Variants in RHCG observed in about 807,000 individuals in gnomAD.
The protein encoded by RHCG is ammonium transporter Rh type C.
A neutral mutation model predicts 55.3 loss-of-function variants in RHCG; 39 were observed. The ratio of observed to expected loss-of-function variants is 0.70; its 90% CI spans 0.55 to 0.92. The LOEUF (loss-of-function observed/expected upper bound fraction) is 0.92. Ranked by LOEUF, RHCG falls within the 40% of genes least tolerant of loss-of-function variation. The pLI is 0.00. For synonymous variants in RHCG, 250 were observed against 246.8 expected, an observed-to-expected ratio of 1.01 and a Z score of -0.12; for missense variants, 635 against 627.9, an observed-to-expected ratio of 1.01 and a Z score of -0.12.
Position 89,483,144 on chromosome 15 carries a change from T to C in RHCG, c.445A>G (p.Ile149Val). Residue 149 changes from isoleucine (I) to valine (V), a missense_variant, in exon 3 of 11, where the codon ATT becomes GTT. Transcript: ENST00000268122. ...FGAVLGKVSPIQLLIMTFFQV... is the reference protein window; with the variant it reads ...FGAVLGKVSPVQLLIMTFFQV... ...AAGAAAGTCATGATGAGCAGCTGAA[T>C]GGGGCTGACTTTACCCAGAACTGCC... 1 of 1,607,792 alleles carries C rather than the reference T, an allele frequency of 6.2e-7. No individual in the cohort carries two copies. Among genetic ancestry groups the C allele is most frequent in the Non-Finnish European group, 8.5e-7 (1 of 1,174,866 alleles).
chr15:89,490,123 A>G (rs1961446098), intron 1 of RHCG, among the ~76,000 whole-genome samples: 1 of 152,202 alleles, frequency 6.6e-6, no homozygotes, highest in African/African-American at 2.4e-5. Context: ...GCCCCCCTCC[A>G]GTCCGCCTCC....
intron 9 of RHCG, among the ~76,000 whole-genome samples, chr15:89,475,979 G>C (rs1397570966): frequency 2.6e-5 from 4 of 151,546 alleles, no homozygotes; most frequent in Non-Finnish European, 5.9e-5. Context: ...AGGAACTTAA[G>C]ACTTTGCATT....
rs773890648 is a variant in RHCG, at chr15:89,476,782, G to T, written c.1284C>A (p.Asn428Lys). The change falls in exon 9 of 11, where the codon AAC becomes AAA. Residue 428 changes from asparagine (N) to lysine (K), a missense_variant. Coordinates refer to ENST00000268122, the MANE Select transcript of RHCG (RefSeq NM_016321.3). ...LPFWGQPSDE[N>K]CFEDAVYWEM... ...CCCAGTAGACCGCATCCTCAAAGCA[G>T]TTCTCATCTGAAGGTTGTCCCCAGA... 1.4e-5 allele frequency: 22 copies of T among 1,614,026 alleles called. No homozygotes were observed. Among genetic ancestry groups the T allele is most frequent in the Non-Finnish European group, 1.7e-5 (20 of 1,180,010 alleles).
chr15:89,483,227 G>C lies in RHCG; in HGVS notation c.372-10C>G. 1 of 1,542,036 alleles carries C rather than the reference G, an allele frequency of 6.5e-7. No individual in the cohort carries two copies. The highest frequency in any genetic ancestry group is 8.9e-7 in the Non-Finnish European group (1 of 1,128,472). ...GTCAGCGTTGATGAGGCTGTGGGGA[G>C]ACAGGCCAGTGGAGAAGCTGGGGCA... On this transcript the variant is annotated splice_polypyrimidine_tract_variant and intron_variant, in intron 2 of 10. Coordinates refer to ENST00000268122, the MANE Select transcript of RHCG (RefSeq NM_016321.3).
At chr15:89,486,361 G>A (rs1232606189) in intron 2 of RHCG, 2 of 456,530 alleles carry the variant, frequency 4.4e-6, no homozygotes, top group African/African-American at 4.0e-5. Context: ...CCAGAGTCCC[G>A]TGGGCTGCGG....
chr15:89,473,910 G>C (rs1172431815), intron 9 of RHCG, among the ~76,000 whole-genome samples: 1 of 152,172 alleles, frequency 6.6e-6, no homozygotes, highest in Non-Finnish European at 1.5e-5. Context: ...CTTCTACATG[G>C]GGGAACTGAT....
At chr15:89,493,216 C>A (rs1324260833) in intron 1 of RHCG, among the ~76,000 whole-genome samples, 4 of 152,230 alleles carry the variant, frequency 2.6e-5, no homozygotes, top group African/African-American at 9.6e-5. Context: ...CTCCCTTGGT[C>A]TTCCAGGGAG....
chr15:89,480,271 A>G lies in RHCG; in HGVS notation c.660T>C (p.Phe220=), dbSNP rs1465008765. Reference sequence around the variant, plus strand: ...GATGGCAGTTCTCACCAATCATGGCAAAGAGGTCCGACTGGTACACAGAAT... The same window carrying G: ...GATGGCAGTTCTCACCAATCATGGCGAAGAGGTCCGACTGGTACACAGAAT... ...RQNSVYQSDL[F]AMIGTLFLWM... The change falls in exon 4 of 11, where the codon TTT becomes TTC. Residue 220 remains phenylalanine (F), a synonymous_variant. Transcript: ENST00000268122. The G allele has an allele frequency of 6.2e-7, 1 of 1,614,058 alleles. No individual in the cohort carries two copies. Among genetic ancestry groups the G allele is most frequent in the Non-Finnish European group, 8.5e-7 (1 of 1,179,960 alleles).
rs1596404032 is a variant in RHCG, at chr15:89,480,206, A to G, written c.670+55T>C. 3.1e-6 allele frequency: 5 copies of G among 1,610,444 alleles called. 1 individual carries two copies. In the East Asian group the frequency reaches 1.1e-4, roughly 36 times the overall value. ...TCACCCATCATGGCTGCCTTCACCCATCATGGCCACCTTCACCCATCATGG... is the reference window on the plus strand; with the variant it reads ...TCACCCATCATGGCTGCCTTCACCCGTCATGGCCACCTTCACCCATCATGG... On this transcript the variant is annotated intron_variant, in intron 4 of 10. Transcript: ENST00000268122.
chr15:89,486,515 C>T, intron 2 of RHCG: 1 of 508,988 alleles, frequency 2.0e-6, no homozygotes, highest in Non-Finnish European at 3.8e-6. Context: ...GGACGACTCC[C>T]ACCCTGGAGA....
At chr15:89,473,834 G>A (rs897222864) in intron 9 of RHCG, among the ~76,000 whole-genome samples, 1 of 152,188 alleles carries the variant, frequency 6.6e-6, no homozygotes, top group Non-Finnish European at 1.5e-5. Flanking sequence ...ACTGCTCAAG[G>A]TATATAGAGC....
chr15:89,477,125 G>A lies in RHCG; in HGVS notation c.1194C>T (p.Leu398=). 2 of 1,614,090 alleles carry A rather than the reference G, an allele frequency of 1.2e-6. No individual in the cohort carries two copies. The highest frequency in any genetic ancestry group is 1.7e-6 in the Non-Finnish European group (2 of 1,180,024). ...TCAGGGCCATGGCCAGGGTCACCAA[G>A]AGACCATAAATCTGGAACTTTCCCT... The part of the protein sequence containing the change: ...RTQGKFQIYG[L]LVTLAMALMG... The change falls in exon 8 of 11, where the codon CTC becomes CTT. Residue 398 remains leucine, a synonymous_variant. Coordinates refer to ENST00000268122, the MANE Select transcript of RHCG (RefSeq NM_016321.3). This position sits in a 1 kb window ranked among gnomAD's most constrained non-coding sequence, Gnocchi z 4.5.
At chr15:89,495,500 C>G (rs1244580356) in intron 1 of RHCG, among the ~76,000 whole-genome samples, 1 of 152,202 alleles carries the variant, frequency 6.6e-6, no homozygotes. Context: ...CAAGGGCATT[C>G]TGATTTTGGG....
chr15:89,496,566 GC>G lies in RHCG; in HGVS notation c.-23del, dbSNP rs779129748. 4 of 1,599,800 alleles carry G rather than the reference GC, an allele frequency of 2.5e-6. No individual in the cohort carries two copies. Among genetic ancestry groups the G allele is most frequent in the Non-Finnish European group, 3.4e-6 (4 of 1,173,804 alleles). On this transcript the variant is annotated 5_prime_UTR_variant, in exon 1 of 11. Transcript: ENST00000268122. Reference sequence around the variant, plus strand: ...CCATGCTGCAGGGGTGCCTGGCCGGGCTGGCAGCGGGCGGTTCGGACGCTCG... The same window carrying G: ...CCATGCTGCAGGGGTGCCTGGCCGGGTGGCAGCGGGCGGTTCGGACGCTCG...
intron 1 of RHCG, among the ~76,000 whole-genome samples, chr15:89,490,809 G>A (rs1023334558): frequency 5.3e-5 from 8 of 151,872 alleles, no homozygotes; most frequent in African/African-American, 1.2e-4. Context: ...GCTGGTGGGC[G>A]GGGGTTAGGG....
chr15:89,490,652 G>A (rs555729948), intron 1 of RHCG, among the ~76,000 whole-genome samples: 4 of 152,168 alleles, frequency 2.6e-5, no homozygotes, highest in Non-Finnish European at 4.4e-5. Flanking sequence ...GACAATTCCA[G>A]AAGCGGGGAG....
rs1488553313 is a variant in RHCG at position 89,471,819 on chromosome 15, C to T, written c.*61G>A. ...ACTCTTGCATCCCTAGCTAGGTCAGCACCAGCTCCTCTGGGCCCCAGGACA... is the reference window on the plus strand; with the variant it reads ...ACTCTTGCATCCCTAGCTAGGTCAGTACCAGCTCCTCTGGGCCCCAGGACA... On this transcript the variant is annotated 3_prime_UTR_variant, in exon 11 of 11. Coordinates refer to ENST00000268122, the MANE Select transcript of RHCG (RefSeq NM_016321.3). The T allele has an allele frequency of 6.5e-6, 1 of 152,706 alleles. No homozygotes were observed. The highest frequency in any genetic ancestry group is 1.5e-5 in the Non-Finnish European group (1 of 68,162). The allele number at this position is 152,706 out of a possible 1,614,324, so 9.5% of individuals were successfully genotyped here.
intron 2 of RHCG, among the ~76,000 whole-genome samples, chr15:89,484,779 CA>C (rs59658119): frequency 0.089 from 8,990 of 101,364 alleles, 737 homozygotes; most frequent in African/African-American, 0.26. Flanking sequence ...AACTCAGTCT[CA>C]AAAAAAAAAA....
chr15:89,483,020 C>T, intron 3 of RHCG, 47 bp downstream of exon 3: 1 of 1,509,994 alleles, frequency 6.6e-7, no homozygotes, highest in Non-Finnish European at 9.0e-7. Context: ...CCCTGCTGTC[C>T]CCCAAAGCAC....
Sources: allele counts gnomAD v4.1 joint callset (sites outside exome capture counted in the v4.1 genomes callset), GRCh38; gene constraint gnomAD v4.1.1; non-coding constraint Gnocchi (gnomAD v3.1); transcripts MANE v1.5; gene names NCBI Gene and HGNC (gene_info 2026-07-23, HGNC 2026-07-21).